The following MYL7 variants were observed in gnomAD, a reference collection of about 807,000 sequenced individuals.
MYL7 encodes myosin regulatory light chain 2, atrial isoform.
In MYL7, 27 loss-of-function variants were observed where a neutral mutation model predicts 22.5. The observed-to-expected ratio is 1.20, with a 90% CI of 0.89 to 1.66. The LOEUF (loss-of-function observed/expected upper bound fraction) is 1.66, where lower values mean the gene tolerates loss of function less well. Ranked by LOEUF, MYL7 falls within the 40% of genes most tolerant of loss-of-function variation. The pLI is 0.00. For missense variants in MYL7, 209 were observed against 226.8 expected, an observed-to-expected ratio of 0.92 and a Z score of 0.50; for synonymous variants, 81 against 84.4, an observed-to-expected ratio of 0.96 and a Z score of 0.22.
rs1287411455 is a variant in MYL7, at chr7:44,141,026, C to A, written c.52G>T (p.Ala18Ser). The change falls in exon 2 of 7, where the codon GCC becomes TCC. Residue 18 changes from alanine (A) to serine (S), a missense_variant. Physicochemically the swap from Ala to Ser is moderately conservative, Grantham distance 99 (BLOSUM62 1). Coordinates refer to ENST00000223364, the MANE Select transcript of MYL7 (RefSeq NM_021223.3). The part of the protein sequence containing the change: ...TRGKVAATKQ[A>S]QRGSSNVFSM... ...AAGACGTTGGAAGAACCACGTTGGG[C>A]CTGCTTGGTGGCTGCCACCTTGCCC... 2 of 1,613,996 alleles carry A rather than the reference C, an allele frequency of 1.2e-6. No individual in the cohort carries two copies. Among genetic ancestry groups the A allele is most frequent in the South Asian group, 1.1e-5 (1 of 91,074 alleles).
chr7:44,139,286 T>C, intron 6 of MYL7: 1 of 666,684 alleles, frequency 1.5e-6, no homozygotes, highest in Non-Finnish European at 2.7e-6. Context: ...GTACGAAACC[T>C]CTCCCTATCC....
At chr7:44,139,470 G>A (rs1362748567) in intron 6 of MYL7, 51 bp downstream of exon 6, 1 of 1,592,068 alleles carries the variant, frequency 6.3e-7, no homozygotes, top group Non-Finnish European at 8.6e-7. Flanking sequence ...CATGGGTGAA[G>A]GCCCAGAGAA....
rs1337283246 is a variant in MYL7, at chr7:44,139,804, TG to T, written c.354del (p.Val121TrpfsTer2). On this transcript the variant is annotated frameshift_variant, in exon 5 of 7. Transcript: ENST00000223364. LOFTEE classifies it high-confidence loss of function. The part of the protein sequence containing the change: ...LSAFRMFDPS[G>X]KGVVNKDEFK... ...TACTCATCCTTGTTCACCACCCCTT[TG>T]CCGCTGGGGTCAAACATGCGGAAGG... The T allele has an allele frequency of 1.6e-5, 25 of 1,612,716 alleles. No homozygotes were observed. The highest frequency in any genetic ancestry group is 2.1e-5 in the Non-Finnish European group (25 of 1,179,716).
At chr7:44,139,125 G>A in intron 6 of MYL7, 103 bp from the exon 7 acceptor site, 3 of 856,626 alleles carry the variant, frequency 3.5e-6, no homozygotes, top group Admixed American at 2.2e-5. Context: ...CTGCATCTGT[G>A]CTTTTTGCCT....
chr7:44,140,183 G>T, intron 4 of MYL7, 140 bp downstream of exon 4: 1 of 683,004 alleles, frequency 1.5e-6, no homozygotes, highest in Admixed American at 2.5e-5. Flanking sequence ...GAGTCCAGGT[G>T]GGTCCAGGTG....
At position 44,139,786 on chromosome 7, in the gene MYL7, C is replaced by T; in HGVS notation, c.373G>A (p.Asp125Asn). Reference protein sequence around the residue: ...DPSGKGVVNKDEFKQLLLTQA... With the variant: ...DPSGKGVVNKNEFKQLLLTQA... Reference sequence around the variant, plus strand: ...TCTGGCTGGGCCCATACTTACTCATCCTTGTTCACCACCCCTTTGCCGCTG... The same window carrying T: ...TCTGGCTGGGCCCATACTTACTCATTCTTGTTCACCACCCCTTTGCCGCTG... The change falls in exon 5 of 7, where the codon GAT becomes AAT. Residue 125 changes from aspartate (D) to asparagine (N), a missense_variant. Asp to Asn is a conservative substitution (Grantham distance 23). Coordinates refer to ENST00000223364, the MANE Select transcript of MYL7 (RefSeq NM_021223.3). 1 of 1,612,826 alleles carries T rather than the reference C, an allele frequency of 6.2e-7. No homozygotes were observed. The highest frequency in any genetic ancestry group is 2.2e-5 in the East Asian group (1 of 44,852).
In MYL7 at chr7:44,138,867, C is replaced by T; in HGVS notation, c.*54G>A. On this transcript the variant is annotated 3_prime_UTR_variant, in exon 7 of 7. Transcript: ENST00000223364. ...CACAGACAAGACACCACAGCAATTC[C>T]AATTTTGCAACAGAGTTTATTGAGG... 1 of 1,483,238 alleles carries T rather than the reference C, an allele frequency of 6.7e-7. No individual in the cohort carries two copies. The highest frequency in any genetic ancestry group is 9.4e-7 in the Non-Finnish European group (1 of 1,062,052). 91.9% of individuals were successfully genotyped at this position (1,483,238 alleles called of 1,614,324 possible). A position where few individuals can be genotyped will look rare whatever the true frequency, so the allele number is the denominator to read the frequency against.
chr7:44,140,694 G>C lies in MYL7; in HGVS notation c.193+18C>G. 6.3e-7 allele frequency: 1 copy of C among 1,589,672 alleles called. No individual in the cohort carries two copies. Among genetic ancestry groups the C allele is most frequent in the Non-Finnish European group, 8.6e-7 (1 of 1,168,236 alleles). ...AGTAGGGACCCCAGTGCGCAGGGTG[G>C]GAGGTGGGTGCACGCACCCAGCTGG... On this transcript the variant is annotated intron_variant, in intron 3 of 6. Transcript: ENST00000223364.
At position 44,139,553 on chromosome 7, in the gene MYL7, G is replaced by A; in HGVS notation, c.394C>T (p.Leu132=). 6.2e-7 allele frequency: 1 copy of A among 1,609,978 alleles called. No individual in the cohort carries two copies. The change falls in exon 6 of 7, where the codon CTG becomes TTG. Residue 132 remains leucine, a synonymous_variant. Transcript: ENST00000223364. ...VNKDEFKQLL[L]TQADKFSPAE... is the part of the protein sequence containing the mutation. ...GGAGAGAACTTGTCTGCCTGGGTCA[G>A]GAGAAGCTGCTTGAACCTGGGGGGT...
At position 44,139,790 on chromosome 7, in the gene MYL7, G is replaced by A; in HGVS notation, c.369C>T (p.Asn123=). The A allele has an allele frequency of 6.2e-7, 1 of 1,612,972 alleles. No individual in the cohort carries two copies. The highest frequency in any genetic ancestry group is 2.2e-5 in the East Asian group (1 of 44,852). Residue 123 remains asparagine, a synonymous_variant, in exon 5 of 7, where the codon AAC becomes AAT. Coordinates refer to ENST00000223364, the MANE Select transcript of MYL7 (RefSeq NM_021223.3). ...GCTGGGCCCATACTTACTCATCCTT[G>A]TTCACCACCCCTTTGCCGCTGGGGT... is the stretch of plus-strand genomic sequence containing the variant. ...MFDPSGKGVV[N]KDEFKQLLLT...
intron 6 of MYL7, among the ~76,000 whole-genome samples, 175 bp from the exon 7 acceptor site, chr7:44,139,197 CAG>C (rs1319377062): frequency 6.6e-6 from 1 of 152,248 alleles, no homozygotes; most frequent in East Asian, 1.9e-4. Flanking sequence ...TGACTCTGGG[CAG>C]AGTGAGGAGT....
rs2096262952 is a variant in MYL7, at chr7:44,139,712, C to G, written c.377+70G>C. On this transcript the variant is annotated intron_variant, in intron 5 of 6. Coordinates refer to ENST00000223364, the MANE Select transcript of MYL7 (RefSeq NM_021223.3). ...AGGCCCCGAAGCACAGGCAGCCCCC[C>G]TCACTAGGGGCCTCACCCCGCTCTC... 2.5e-6 allele frequency: 4 copies of G among 1,587,256 alleles called. No individual in the cohort carries two copies. The Admixed American group carries it at 7.3e-5, about 29-fold the overall frequency.
rs1184169040 is a variant in MYL7, at chr7:44,140,583, A to G, written c.193+129T>C. On this transcript the variant is annotated intron_variant, in intron 3 of 6. Coordinates refer to ENST00000223364, the MANE Select transcript of MYL7 (RefSeq NM_021223.3). ...GGAAGCAAGGCGTGACAAGGGGGGA[A>G]GGGCAGTGTGAGGAGACGGGGAGGA... 5.2e-6 allele frequency: 6 copies of G among 1,148,544 alleles called. No homozygotes were observed. In the African/African-American group the frequency reaches 7.7e-5, roughly 15 times the overall value. The allele number at this position is 1,148,544 out of a possible 1,614,324, so 71.1% of individuals were successfully genotyped here.
At chr7:44,140,533 C>G (rs746637258) in intron 3 of MYL7, 106 bp from the exon 4 acceptor site, 2 of 1,214,334 alleles carry the variant, frequency 1.6e-6, no homozygotes. Flanking sequence ...GGGGCAGAGG[C>G]AGCTGTGGGT....
In MYL7 at chr7:44,141,064, T is replaced by C; in HGVS notation, c.14A>G (p.Lys5Arg). Residue 5 changes from lysine to arginine, a missense_variant, in exon 2 of 7, where the codon AAG becomes AGG. Lys to Arg is a conservative substitution (Grantham distance 26, BLOSUM62 2). Transcript: ENST00000223364. The part of the protein sequence containing the change: MASR[K>R]AGTRGKVAAT... ...TGCCACCTTGCCCCGGGTCCCCGCC[T>C]TCCTGCTGGCCTGCAACACTGTGAG... 1.2e-6 allele frequency: 2 copies of C among 1,613,966 alleles called. No homozygotes were observed. The highest frequency in any genetic ancestry group is 2.2e-5 in the East Asian group (1 of 44,862).
Position 44,141,091 on chromosome 7 carries a change from A to G in MYL7, c.4-17T>C. On this transcript the variant is annotated splice_polypyrimidine_tract_variant and intron_variant, in intron 1 of 6. Coordinates refer to ENST00000223364, the MANE Select transcript of MYL7 (RefSeq NM_021223.3). ...CCTGCTGGCCTGCAACACTGTGAGT[A>G]GGGAGGGGTCCTCTCCCCAACTCCT... 1 of 1,612,302 alleles carries G rather than the reference A, an allele frequency of 6.2e-7. No individual in the cohort carries two copies.
chr7:44,140,840 G>A, intron 2 of MYL7, 53 bp from the exon 3 acceptor site: 2 of 1,605,738 alleles, frequency 1.2e-6, no homozygotes, highest in African/African-American at 1.3e-5. Context: ...AGGGAAGGTG[G>A]GAGGTGGGGG....
At chr7:44,140,561 A>G in intron 3 of MYL7, 134 bp from the exon 4 acceptor site, 1 of 1,148,138 alleles carries the variant, frequency 8.7e-7, no homozygotes, top group Non-Finnish European at 1.2e-6. Context: ...GTGAAGTGGA[A>G]GCAAGGCGTG....
At chr7:44,139,169 T>C in intron 6 of MYL7, 147 bp from the exon 7 acceptor site, 1 of 663,932 alleles carries the variant, frequency 1.5e-6, no homozygotes, top group Non-Finnish European at 2.6e-6. Flanking sequence ...GACTCTGGGT[T>C]AATGTTTTTC....
Sources: allele counts gnomAD v4.1 joint callset (sites outside exome capture counted in the v4.1 genomes callset), GRCh38; gene constraint gnomAD v4.1.1; transcripts MANE v1.5; gene names NCBI Gene and HGNC (gene_info 2026-07-23, HGNC 2026-07-21).